PTGIS: variants seen among roughly 807,000 people sequenced by gnomAD.
The protein encoded by PTGIS is prostacyclin synthase.
PTGIS carries 45 observed loss-of-function variants against 50.3 expected under a neutral mutation model. That is an observed-to-expected ratio of 0.90 (90% CI 0.70 to 1.15). PTGIS has a LOEUF of 1.15. Ranked by LOEUF, PTGIS falls within the 50% of genes most tolerant of loss-of-function variation. The pLI is 0.00. For synonymous variants in PTGIS, 260 were observed against 267.7 expected, an observed-to-expected ratio of 0.97 and a Z score of 0.28; for missense variants, 668 against 661.3, an observed-to-expected ratio of 1.01 and a Z score of -0.11.
chr20:49,513,320 C>A (rs190997497), intron 7 of PTGIS, 59 bp from the exon 8 acceptor site: 2 of 1,553,858 alleles, frequency 1.3e-6, no homozygotes, highest in African/African-American at 1.4e-5. Flanking sequence ...GCTCATATGC[C>A]AACCCCAGCT....
chr20:49,548,581 TGGAA>T (rs1295556637), intron 2 of PTGIS, among the ~76,000 whole-genome samples: 1 of 151,324 alleles, frequency 6.6e-6, no homozygotes, highest in Non-Finnish European at 1.5e-5. Flanking sequence ...GATGGATGGA[TGGAA>T]GGAAGAATGA....
intron 1 of PTGIS, among the ~76,000 whole-genome samples, chr20:49,553,361 T>A (rs1982556825): frequency 6.6e-6 from 1 of 152,116 alleles, no homozygotes; most frequent in Non-Finnish European, 1.5e-5. Flanking sequence ...TGTATTTAAC[T>A]TTAAAGTTCT....
chr20:49,560,790 T>A (rs1458648848), intron 1 of PTGIS, among the ~76,000 whole-genome samples: 3 of 151,890 alleles, frequency 2.0e-5, no homozygotes, highest in Non-Finnish European at 4.4e-5. Flanking sequence ...GAGTGGAGAA[T>A]GTGGGGACGA....
chr20:49,529,332 T>C (rs1981874756), intron 5 of PTGIS, among the ~76,000 whole-genome samples: 1 of 152,168 alleles, frequency 6.6e-6, no homozygotes, highest in South Asian at 2.1e-4. Context: ...CTTTTTTAGC[T>C]CCCACGTATA....
At position 49,540,741 on chromosome 20, in the gene PTGIS, G is replaced by T. The variant is rs1215216519; in HGVS notation, c.522-1020C>A. ...CTCCAGCCCCCTTTAAATGCCCCAG[G>T]AGTCCAGCCCCAGCCCAGCGGGCTG... On this transcript the variant is annotated intron_variant, in intron 4 of 9. Coordinates refer to ENST00000244043, the MANE Select transcript of PTGIS (RefSeq NM_000961.4). This position sits in a 1 kb window ranked among gnomAD's most constrained non-coding sequence, Gnocchi z 4.8. Among the ~76,000 whole-genome samples, 2 of 152,152 alleles carry T rather than the reference G, an allele frequency of 1.3e-5. No individual in the cohort carries two copies. Among genetic ancestry groups the T allele is most frequent in the Non-Finnish European group, 2.9e-5 (2 of 68,018 alleles).
chr20:49,553,872 A>T (rs1284284880), intron 1 of PTGIS, among the ~76,000 whole-genome samples: 1 of 152,158 alleles, frequency 6.6e-6, no homozygotes, highest in African/African-American at 2.4e-5. Flanking sequence ...ATAAAACAGG[A>T]AGCATGTTGT....
rs1173512157 is a variant in PTGIS at position 49,555,819 on chromosome 20, C to T, written c.75-5630G>A. On this transcript the variant is annotated intron_variant, in intron 1 of 9. Coordinates refer to ENST00000244043, the MANE Select transcript of PTGIS (RefSeq NM_000961.4). ...CTTTTTATAGGTGATTTATAATCAG[C>T]TATAGAACTCTGAGGAGTACTCTTA... Among the ~76,000 whole-genome samples, 9 of 152,140 alleles carry T rather than the reference C, an allele frequency of 5.9e-5. No individual in the cohort carries two copies. In the East Asian group the frequency reaches 1.7e-3, roughly 29 times the overall value.
chr20:49,566,229 T>TCAAA lies in PTGIS; in HGVS notation c.74+1810_74+1813dup, dbSNP rs532995087. On this transcript the variant is annotated intron_variant, in intron 1 of 9. Coordinates refer to ENST00000244043, the MANE Select transcript of PTGIS (RefSeq NM_000961.4). ...TGGGCAACAAGAGGGAAGATCCATC[T>TCAAA]CAAACAAACAAACAAACAAAAAAAG... 2.1e-4 allele frequency among the ~76,000 whole-genome samples: 32 copies of TCAAA among 152,132 alleles called. 1 individual carries two copies. In the South Asian group the frequency reaches 3.7e-3, roughly 18 times the overall value.
At chr20:49,546,551 T>C (rs1192328817) in intron 3 of PTGIS, among the ~76,000 whole-genome samples, 1 of 152,230 alleles carries the variant, frequency 6.6e-6, no homozygotes, top group Non-Finnish European at 1.5e-5. Flanking sequence ...CATTGGACTG[T>C]GTGAACTCTG....
At position 49,551,806 on chromosome 20, in the gene PTGIS, TTGTGTGTGTG is replaced by T. The variant is rs58517059; in HGVS notation, c.75-1627_75-1618del. Among the ~76,000 whole-genome samples, 523 of 142,674 alleles carry T rather than the reference TTGTGTGTGTG, an allele frequency of 3.7e-3. 3 individuals are homozygous for T. The highest frequency in any genetic ancestry group is 0.011 in the African/African-American group (455 of 39,926). 93.6% of individuals were successfully genotyped at this position (142,674 alleles called of 152,430 possible). On this transcript the variant is annotated intron_variant, in intron 1 of 9. Coordinates refer to ENST00000244043, the MANE Select transcript of PTGIS (RefSeq NM_000961.4). ...TGTGTGTGTATGCATGTGTATGTGT[TTGTGTGTGTG>T]TGTGTGTGTGTGTGTGTGTGTGTGT...
At chr20:49,547,278 G>A (rs1040017373) in intron 3 of PTGIS, among the ~76,000 whole-genome samples, 1 of 152,134 alleles carries the variant, frequency 6.6e-6, no homozygotes. Context: ...TGTTTCAGGA[G>A]CTGTACCACT....
At chr20:49,534,344 C>G (rs1160270246) in intron 5 of PTGIS, among the ~76,000 whole-genome samples, 1 of 152,206 alleles carries the variant, frequency 6.6e-6, no homozygotes, top group Non-Finnish European at 1.5e-5. Context: ...AAGCACCCCA[C>G]AGCAATGTTC....
At chr20:49,564,936 G>C (rs748709390) in intron 1 of PTGIS, among the ~76,000 whole-genome samples, 5 of 151,622 alleles carry the variant, frequency 3.3e-5, no homozygotes, top group Non-Finnish European at 5.9e-5. Flanking sequence ...CCATTCAGAC[G>C]GCATCAGGGT....
intron 1 of PTGIS, among the ~76,000 whole-genome samples, chr20:49,566,651 C>T (rs1017757806): frequency 6.6e-6 from 1 of 152,236 alleles, no homozygotes; most frequent in African/African-American, 2.4e-5. Flanking sequence ...AATTTTCAGA[C>T]ACGAATGTAA....
intron 6 of PTGIS, among the ~76,000 whole-genome samples, chr20:49,519,274 G>C (rs780746472): frequency 1.3e-5 from 2 of 152,030 alleles, no homozygotes; most frequent in Non-Finnish European, 2.9e-5. Flanking sequence ...CAGGTTCAGG[G>C]GTTCTGGATT....
intron 6 of PTGIS, among the ~76,000 whole-genome samples, chr20:49,516,728 T>A (rs1046171569): frequency 2.6e-5 from 4 of 152,156 alleles, no homozygotes; most frequent in African/African-American, 9.7e-5. Flanking sequence ...AATACTTCCA[T>A]CACGCAGGTG....
intron 4 of PTGIS, 39 bp from the exon 5 acceptor site, chr20:49,539,760 A>T: frequency 6.3e-7 from 1 of 1,595,616 alleles, no homozygotes; most frequent in Non-Finnish European, 8.5e-7. Flanking sequence ...TCCTCCTGGG[A>T]CACTCATGTG....
In PTGIS at chr20:49,514,311, C is replaced by T. The variant is rs13306027; in HGVS notation, c.940G>A (p.Glu314Lys). ...EALAAVRGEL[E>K]SILWQAEQPV... Reference sequence around the variant, plus strand: ...TGCTCCGCTTGCCAAAGGATACTCTCGAGCTCTCCGCGGACAGCAGCCAGG... The same window carrying T: ...TGCTCCGCTTGCCAAAGGATACTCTTGAGCTCTCCGCGGACAGCAGCCAGG... The change falls in exon 7 of 10, where the codon GAG becomes AAG. Residue 314 changes from glutamate to lysine, a missense_variant. Glu to Lys is a moderately conservative substitution (Grantham distance 56). Transcript: ENST00000244043. 37 of 1,613,998 alleles carry T rather than the reference C, an allele frequency of 2.3e-5. No individual in the cohort carries two copies. Among genetic ancestry groups the T allele is most frequent in the African/African-American group, 5.3e-5 (4 of 74,914 alleles).
chr20:49,509,536 T>G (rs1472710609), intron 9 of PTGIS, among the ~76,000 whole-genome samples: 1 of 152,176 alleles, frequency 6.6e-6, no homozygotes, highest in Non-Finnish European at 1.5e-5. Context: ...ATTGATATAT[T>G]AGGGCACCAT....
Sources: allele counts gnomAD v4.1 joint callset (sites outside exome capture counted in the v4.1 genomes callset), GRCh38; gene constraint gnomAD v4.1.1; non-coding constraint Gnocchi (gnomAD v3.1); transcripts MANE v1.5; gene names NCBI Gene and HGNC (gene_info 2026-07-23, HGNC 2026-07-21).